SMARCAD1: variants seen among roughly 807,000 people sequenced by gnomAD.
The protein encoded by SMARCAD1 is SWI/SNF-related matrix-associated actin-dependent regulator of chromatin subfamily A containing DEAD/H box 1.
SMARCAD1 carries 25 observed loss-of-function variants against 127.1 expected under a neutral mutation model. The ratio of observed to expected loss-of-function variants is 0.20; its 90% confidence interval spans 0.14 to 0.27. The LOEUF is 0.27. SMARCAD1 is among the 10% of genes least tolerant of loss of function. The pLI is 1.00. For synonymous variants in SMARCAD1, 400 were observed against 396.9 expected (o/e 1.01, Z -0.09); for missense variants, 807 against 1,206.0 (o/e 0.67, Z 4.90).
At position 94,253,254 on chromosome 4, in the gene SMARCAD1, A is replaced by C. The variant is rs535268881; in HGVS notation, c.1281+247A>C. 42 of 1,478,028 alleles carry C rather than the reference A, an allele frequency of 2.8e-5. No individual in the cohort carries two copies. In the African/African-American group the frequency reaches 5.8e-4, roughly 21 times the overall value. 91.6% of individuals were successfully genotyped at this position (1,478,028 alleles called of 1,614,324 possible). A position where few individuals can be genotyped will look rare whatever the true frequency, so the allele number is the denominator to read the frequency against. On this transcript the variant is annotated intron_variant, in intron 9 of 23. Transcript: ENST00000354268. ...TGATTGGCTGGGAATACTGTCACTC[A>C]TTCCTTTGCATAGAAACTTCGTTCA...
At chr4:94,286,696 T>C (rs1179723973) in intron 23 of SMARCAD1, among the ~76,000 whole-genome samples, 1 of 152,214 alleles carries the variant, frequency 6.6e-6, no homozygotes, top group African/African-American at 2.4e-5. Flanking sequence ...AGGTGATGTG[T>C]ATGTTTGATC....
intron 4 of SMARCAD1, among the ~76,000 whole-genome samples, chr4:94,235,849 A>G (rs750971735): frequency 1.4e-4 from 21 of 152,046 alleles, no homozygotes; most frequent in South Asian, 8.3e-4. Flanking sequence ...AATCTTTCTA[A>G]TTTTGTAATT....
At chr4:94,289,267 T>A (rs762472429) in intron 23 of SMARCAD1, among the ~76,000 whole-genome samples, 5 of 152,168 alleles carry the variant, frequency 3.3e-5, no homozygotes, top group African/African-American at 4.8e-5. Context: ...TAGATTGCTA[T>A]GTTGGCAATA....
intron 9 of SMARCAD1, among the ~76,000 whole-genome samples, chr4:94,259,153 GTGT>G (rs1560546822): frequency 1.3e-5 from 2 of 152,188 alleles, no homozygotes; most frequent in Non-Finnish European, 2.9e-5. Context: ...CTTTTGGAAA[GTGT>G]TGTTTCTTCC....
At chr4:94,252,548 T>G in intron 8 of SMARCAD1, 68 bp from the exon 9 acceptor site, 1 of 1,139,312 alleles carries the variant, frequency 8.8e-7, no homozygotes, top group Admixed American at 3.0e-5. Flanking sequence ...TTTTAAGTTT[T>G]TATTTGAAGT....
intron 2 of SMARCAD1, chr4:94,213,017 T>C (rs1560508258): frequency 1.7e-6 from 2 of 1,202,956 alleles, no homozygotes; most frequent in Non-Finnish European, 2.2e-6. Context: ...TTTTTTTCTT[T>C]GACTTTTGGG....
At chr4:94,225,558 G>C (rs897464788) in intron 2 of SMARCAD1, among the ~76,000 whole-genome samples, 1 of 152,136 alleles carries the variant, frequency 6.6e-6, no homozygotes, top group African/African-American at 2.4e-5. Flanking sequence ...TTGAGGTATT[G>C]GTGATTGGGA....
At chr4:94,226,070 T>G in intron 2 of SMARCAD1, 49 bp from the exon 3 acceptor site, 10 of 1,435,660 alleles carry the variant, frequency 7.0e-6, no homozygotes, top group Non-Finnish European at 9.8e-6. Context: ...AACAACAGAT[T>G]CGTTTTCCAG....
At chr4:94,240,352 CTT>C (rs748934782) in intron 5 of SMARCAD1, among the ~76,000 whole-genome samples, 1 of 152,196 alleles carries the variant, frequency 6.6e-6, no homozygotes, top group Non-Finnish European at 1.5e-5. Context: ...GTTATATTCT[CTT>C]GTTTTTACAT....
At chr4:94,249,834 A>G (rs1749011332) in intron 7 of SMARCAD1, 79 bp downstream of exon 7, 1 of 835,816 alleles carries the variant, frequency 1.2e-6, no homozygotes, top group Admixed American at 1.8e-5. Flanking sequence ...GTTCAACCAC[A>G]TAAAAGCTTA....
At chr4:94,247,950 G>T (rs1748705336) in intron 6 of SMARCAD1, among the ~76,000 whole-genome samples, 1 of 152,150 alleles carries the variant, frequency 6.6e-6, no homozygotes, top group African/African-American at 2.4e-5. Flanking sequence ...CACCCAGATA[G>T]TAAGGATAGT....
chr4:94,272,184 A>C (rs899955879), intron 11 of SMARCAD1, among the ~76,000 whole-genome samples: 5 of 151,854 alleles, frequency 3.3e-5, no homozygotes, highest in African/African-American at 1.2e-4. Flanking sequence ...TATTGGGTTC[A>C]GGCCCCACAC....
At chr4:94,254,468 TACAATTTTAC>T (rs1253649230) in intron 9 of SMARCAD1, among the ~76,000 whole-genome samples, 8 of 152,182 alleles carry the variant, frequency 5.3e-5, no homozygotes, top group Non-Finnish European at 1.2e-4. Context: ...AAGTAAATTA[TACAATTTTAC>T]CAGAGGTATA....
chr4:94,219,911 A>G (rs975284376), intron 2 of SMARCAD1, among the ~76,000 whole-genome samples: 2 of 152,198 alleles, frequency 1.3e-5, no homozygotes, highest in Non-Finnish European at 2.9e-5. Flanking sequence ...CCTTAAACAC[A>G]GACAATATTC....
intron 9 of SMARCAD1, among the ~76,000 whole-genome samples, chr4:94,259,134 A>G (rs1750571020): frequency 6.6e-6 from 1 of 152,210 alleles, no homozygotes; most frequent in Non-Finnish European, 1.5e-5. Flanking sequence ...GAGCAGTGGT[A>G]TGTTACAACT....
chr4:94,263,358 T>C (rs1751294358), intron 9 of SMARCAD1, among the ~76,000 whole-genome samples: 1 of 152,098 alleles, frequency 6.6e-6, no homozygotes, highest in African/African-American at 2.4e-5. Flanking sequence ...GATTGTTATC[T>C]ATACTGCTGC....
intron 16 of SMARCAD1, among the ~76,000 whole-genome samples, chr4:94,278,066 A>AC (rs946425311): frequency 7.2e-5 from 11 of 151,954 alleles, no homozygotes; most frequent in Non-Finnish European, 1.5e-4. Context: ...AGGATTTTCT[A>AC]CCCCCCACGC....
At chr4:94,259,419 G>A (rs932637718) in intron 9 of SMARCAD1, among the ~76,000 whole-genome samples, 15 of 152,006 alleles carry the variant, frequency 9.9e-5, no homozygotes, top group Admixed American at 8.5e-4. Flanking sequence ...TTTTACATTC[G>A]TGGTTAGTGG....
At chr4:94,227,784 T>G (rs1056410351) in intron 3 of SMARCAD1, among the ~76,000 whole-genome samples, 1 of 152,210 alleles carries the variant, frequency 6.6e-6, no homozygotes, top group African/African-American at 2.4e-5. Context: ...TTGGGACATT[T>G]GAGTTCTGGG....
Sources: allele counts gnomAD v4.1 joint callset (sites outside exome capture counted in the v4.1 genomes callset), GRCh38; gene constraint gnomAD v4.1.1; transcripts MANE v1.5; gene names NCBI Gene and HGNC (gene_info 2026-07-23, HGNC 2026-07-21).